The following CDADC1 variants were observed in gnomAD, a reference collection of about 807,000 sequenced individuals.
The protein encoded by CDADC1 is cytidine and dCMP deaminase domain containing 1.
A neutral mutation model predicts 54.9 loss-of-function variants in CDADC1; 39 were observed. The observed-to-expected ratio is 0.71, with a 90% CI of 0.55 to 0.93. The LOEUF is 0.93. Among genes scored for constraint, CDADC1 ranks in the 40% least tolerant of loss-of-function variants. CDADC1 has a pLI of 0.00. For missense variants in CDADC1, 518 were observed against 618.8 expected, an observed-to-expected ratio of 0.84 and a Z score of 1.73; for synonymous variants, 186 against 204.0, an observed-to-expected ratio of 0.91 and a Z score of 0.75.
intron 6 of CDADC1, among the ~76,000 whole-genome samples, chr13:49,275,911 G>A (rs999289343): frequency 1.3e-5 from 2 of 151,536 alleles, no homozygotes; most frequent in African/African-American, 4.9e-5. Flanking sequence ...TGGGACTACA[G>A]GTGTGTGCCA....
At chr13:49,271,234 G>C (rs1364564959) in intron 5 of CDADC1, among the ~76,000 whole-genome samples, 1 of 95,366 alleles carries the variant, frequency 1.0e-5, no homozygotes, top group Non-Finnish European at 2.1e-5. Context: ...TAGAATACCC[G>C]AAGGTAGCAA....
At chr13:49,263,350 G>A (rs1421673879) in intron 4 of CDADC1, among the ~76,000 whole-genome samples, 2 of 152,150 alleles carry the variant, frequency 1.3e-5, no homozygotes, top group Admixed American at 1.3e-4. Context: ...GATTGGTGGT[G>A]ATATTAATGA....
At chr13:49,268,176 A>G (rs1424274103) in intron 5 of CDADC1, 117 bp downstream of exon 5, 2 of 838,504 alleles carry the variant, frequency 2.4e-6, no homozygotes, top group Non-Finnish European at 1.9e-6. Context: ...TTTGCTGTTC[A>G]TACAATATAG....
Position 49,280,615 on chromosome 13 carries a change from G to T in CDADC1, c.1327G>T (p.Ala443Ser), listed in dbSNP as rs768203438. 1.2e-6 allele frequency: 2 copies of T among 1,602,298 alleles called. No homozygotes were observed. The highest frequency in any genetic ancestry group is 2.2e-5 in the South Asian group (2 of 89,420). ...IKGAGIKQIY[A>S]GDVDVGKKKA... ...AGGTGCAGGCATAAAACAAATCTAT[G>T]CAGGAGATGTAGATGTTGGAAAAAA... is the stretch of plus-strand genomic sequence containing the variant. Residue 443 changes from alanine to serine, a missense_variant, in exon 8 of 10, where the codon GCA becomes TCA. Coordinates refer to ENST00000251108, the MANE Select transcript of CDADC1 (RefSeq NM_030911.4).
rs11311095 is a variant in CDADC1, at chr13:49,254,404, C to CT, written c.178-1419dup. Among the ~76,000 whole-genome samples the CT allele has an allele frequency of 6.5e-4, 75 of 116,272 alleles. 3 individuals are homozygous for CT. In the South Asian group the frequency reaches 7.9e-3, roughly 12 times the overall value. The allele number at this position is 116,272 out of a possible 152,430, so 76.3% of individuals were successfully genotyped here. A position where few individuals can be genotyped will look rare whatever the true frequency, so the allele number is the denominator to read the frequency against. The stretch of plus-strand genomic sequence containing the variant: ...TTATCAATGTATTAACTATCCCACC[C>CT]TTTTTTTTTTTTTTTTGAAACAGAG... On this transcript the variant is annotated intron_variant, in intron 2 of 9. Transcript: ENST00000251108.
In CDADC1 at chr13:49,278,341, C is replaced by T. The variant is rs1953206219; in HGVS notation, c.1051-9C>T. The T allele has an allele frequency of 6.6e-7, 1 of 1,506,176 alleles. No homozygotes were observed. Among genetic ancestry groups the T allele is most frequent in the Admixed American group, 1.8e-5 (1 of 54,466 alleles). The allele number at this position is 1,506,176 out of a possible 1,614,324, so 93.3% of individuals were successfully genotyped here. ...TTGAAACTAACCATTGGTTTGCTCA[C>T]TCTCGTAGAGAAGTTGTGATGGAAC... On this transcript the variant is annotated splice_polypyrimidine_tract_variant and intron_variant, in intron 6 of 9. Transcript: ENST00000251108.
chr13:49,279,765 T>C (rs1423974057), intron 7 of CDADC1, among the ~76,000 whole-genome samples: 7 of 152,196 alleles, frequency 4.6e-5, no homozygotes, highest in Admixed American at 2.0e-4. Flanking sequence ...GATGGCTGGC[T>C]GAGAGCTACG....
intron 6 of CDADC1, 138 bp from the exon 7 acceptor site, chr13:49,278,211 TA>T (rs1254549118): frequency 1.2e-5 from 7 of 585,338 alleles, no homozygotes; most frequent in Non-Finnish European, 1.9e-5. Context: ...TCTGGTATTA[TA>T]TTTTTTGATA....
At chr13:49,270,525 T>A (rs1463313409) in intron 5 of CDADC1, among the ~76,000 whole-genome samples, 1 of 152,188 alleles carries the variant, frequency 6.6e-6, no homozygotes, top group Non-Finnish European at 1.5e-5. Flanking sequence ...ATCCAGATTT[T>A]AAAAAGGTAA....
intron 8 of CDADC1, 38 bp downstream of exon 8, chr13:49,280,736 T>G (rs770756957): frequency 7.5e-7 from 1 of 1,340,488 alleles, no homozygotes; most frequent in Admixed American, 2.4e-5. Context: ...GTATTTTGTA[T>G]TATGTTGTTA....
intron 8 of CDADC1, 62 bp downstream of exon 8, chr13:49,280,760 A>G: frequency 2.4e-6 from 2 of 845,806 alleles, no homozygotes; most frequent in Non-Finnish European, 3.4e-6. Context: ...ACCCTGCTGC[A>G]ATATTGTAAG....
intron 8 of CDADC1, among the ~76,000 whole-genome samples, chr13:49,282,162 G>C (rs909110989): frequency 2.0e-5 from 3 of 150,924 alleles, no homozygotes; most frequent in African/African-American, 7.3e-5. Context: ...AAAATGTACT[G>C]AGGTAGTTCA....
intron 4 of CDADC1, among the ~76,000 whole-genome samples, chr13:49,267,192 A>G (rs1055320277): frequency 1.3e-5 from 2 of 152,314 alleles, no homozygotes; most frequent in African/African-American, 2.4e-5. Context: ...ATTTATGGAT[A>G]CTGAAATTTG....
At chr13:49,248,794 A>C (rs1952355550) in intron 1 of CDADC1, 77 bp from the exon 2 acceptor site, 5 of 893,884 alleles carry the variant, frequency 5.6e-6, no homozygotes, top group Non-Finnish European at 7.6e-6. Context: ...AGGCTGCAGC[A>C]CCTAAGTGGC....
At chr13:49,269,290 CAGATGCTATACTTTTTACT>C (rs1952904766) in intron 5 of CDADC1, among the ~76,000 whole-genome samples, 1 of 75,158 alleles carries the variant, frequency 1.3e-5, no homozygotes, top group East Asian at 7.2e-4. Flanking sequence ...ATAAAAAGTA[CAGATGCTATACTTTTTACT>C]TTTATAAAAA....
At chr13:49,256,166 G>C (rs1952543813) in intron 3 of CDADC1, among the ~76,000 whole-genome samples, 1 of 150,268 alleles carries the variant, frequency 6.7e-6, no homozygotes, top group Non-Finnish European at 1.5e-5. Flanking sequence ...TCATATAGAT[G>C]TGTTAAGAAA....
chr13:49,288,957 G>A lies in CDADC1; in HGVS notation c.1471+2675G>A, dbSNP rs1291855009. On this transcript the variant is annotated intron_variant, in intron 9 of 9. Coordinates refer to ENST00000251108, the MANE Select transcript of CDADC1 (RefSeq NM_030911.4). ...AACACAATAGCCAGAGCTATCCTGGGGACAAATGTCCATATAAGCTGGGAT... is the reference window on the plus strand; with the variant it reads ...AACACAATAGCCAGAGCTATCCTGGAGACAAATGTCCATATAAGCTGGGAT... Among the ~76,000 whole-genome samples, 14 of 151,996 alleles carry A rather than the reference G, an allele frequency of 9.2e-5. 1 individual carries two copies. In the East Asian group the frequency reaches 2.7e-3, roughly 29 times the overall value.
chr13:49,292,509 C>A lies in CDADC1; in HGVS notation c.*752C>A. 3 of 1,032,550 alleles carry A rather than the reference C, an allele frequency of 2.9e-6. No individual in the cohort carries two copies. The highest frequency in any genetic ancestry group is 3.5e-6 in the Non-Finnish European group (3 of 858,346). 64.0% of individuals were successfully genotyped at this position (1,032,550 alleles called of 1,614,324 possible). The stretch of plus-strand genomic sequence containing the variant: ...TTTGAGTCTGGAATATTGAAACTAG[C>A]TTTCCTAGAATTCCATTAATAAATG... On this transcript the variant is annotated 3_prime_UTR_variant, in exon 10 of 10. Coordinates refer to ENST00000251108, the MANE Select transcript of CDADC1 (RefSeq NM_030911.4).
At chr13:49,278,080 G>A (rs1159647386) in intron 6 of CDADC1, among the ~76,000 whole-genome samples, 2 of 152,152 alleles carry the variant, frequency 1.3e-5, no homozygotes, top group African/African-American at 4.8e-5. Flanking sequence ...TAATTTGTTA[G>A]TTAAGTAAGA....
Sources: gnomAD v4.1 joint callset for allele counts (sites outside exome capture counted in the v4.1 genomes callset) on GRCh38, gnomAD v4.1.1 for gene constraint, MANE v1.5 for transcripts, NCBI Gene and HGNC (gene_info 2026-07-23, HGNC 2026-07-21) for gene names.